The following TASP1 variants were observed in gnomAD, a reference collection of about 807,000 sequenced individuals.
TASP1 encodes the protein threonine aspartase 1.
In TASP1, 16 loss-of-function variants were observed where a neutral mutation model predicts 56.6. That is an observed-to-expected ratio of 0.28 (90% CI 0.19 to 0.43). TASP1 has a LOEUF of 0.43. TASP1 is among the 20% of genes least tolerant of loss of function. The pLI is 1.00. For synonymous variants in TASP1, 179 were observed against 184.2 expected (o/e 0.97, Z 0.23); for missense variants, 393 against 511.6 (o/e 0.77, Z 2.24).
Position 13,390,434 on chromosome 20 carries a change from G to A in TASP1, c.1189C>T (p.Pro397Ser). ...GKAKTHISRLPPGAVAGQSVA... is the reference protein window; with the variant it reads ...GKAKTHISRLSPGAVAGQSVA... ...GACTGTCCTGCCACCGCACCAGGAGGAAGTCTTGAAATGTGAGTCTGCAGA... is the reference window on the plus strand; with the variant it reads ...GACTGTCCTGCCACCGCACCAGGAGAAAGTCTTGAAATGTGAGTCTGCAGA... Residue 397 changes from proline to serine, a missense_variant, in exon 14 of 14, where the codon CCT becomes TCT. Coordinates refer to ENST00000337743, the MANE Select transcript of TASP1 (RefSeq NM_017714.3). 1.2e-6 allele frequency: 2 copies of A among 1,613,808 alleles called. No individual in the cohort carries two copies. Among genetic ancestry groups the A allele is most frequent in the South Asian group, 2.2e-5 (2 of 91,066 alleles).
intron 6 of TASP1, among the ~76,000 whole-genome samples, chr20:13,579,488 C>G (rs2047041112): frequency 6.6e-6 from 1 of 152,044 alleles, no homozygotes; most frequent in African/African-American, 2.4e-5. Flanking sequence ...CCTGCCTCAA[C>G]CTCTAGCTGG....
chr20:13,273,794 A>C, the TASP1 span, among the ~76,000 whole-genome samples: 1 of 152,182 alleles, frequency 6.6e-6, no homozygotes, highest in Non-Finnish European at 1.5e-5. Flanking sequence ...ATTTTTGCCT[A>C]CTGCCCAGTC....
chr20:13,301,398 AGGCTGGTCTTGAACTCCT>A, the TASP1 span, among the ~76,000 whole-genome samples: 1 of 152,210 alleles, frequency 6.6e-6, no homozygotes, highest in South Asian at 2.1e-4. Flanking sequence ...CATGTTGGCC[AGGCTGGTCTTGAACTCCT>A]GGCCTCAAGT....
At chr20:13,483,950 A>T (rs1378799911) in intron 10 of TASP1, among the ~76,000 whole-genome samples, 1 of 152,166 alleles carries the variant, frequency 6.6e-6, no homozygotes, top group African/African-American at 2.4e-5. Flanking sequence ...ATGAACTCAA[A>T]CAAATTTACA....
the TASP1 span, among the ~76,000 whole-genome samples, chr20:13,128,685 G>T: frequency 6.6e-6 from 1 of 151,698 alleles, no homozygotes; most frequent in African/African-American, 2.4e-5. Flanking sequence ...GTTCTTTTTT[G>T]TTTTTTGGGT....
At chr20:13,307,328 T>C in the TASP1 span, among the ~76,000 whole-genome samples, 1 of 152,166 alleles carries the variant, frequency 6.6e-6, no homozygotes. Context: ...CACACACGTA[T>C]CATAAGTTCA....
At chr20:13,332,071 A>G in the TASP1 span, among the ~76,000 whole-genome samples, 1 of 152,192 alleles carries the variant, frequency 6.6e-6, no homozygotes, top group African/African-American at 2.4e-5. Flanking sequence ...GGGCCATGGC[A>G]TGCATTTACT....
chr20:13,380,126 T>C, the TASP1 span, among the ~76,000 whole-genome samples: 2 of 152,040 alleles, frequency 1.3e-5, no homozygotes, highest in Admixed American at 6.6e-5. Flanking sequence ...TGGTAAGGAG[T>C]TGTGATCCTT....
At chr20:13,566,182 G>C (rs1328671630) in intron 7 of TASP1, among the ~76,000 whole-genome samples, 1 of 152,136 alleles carries the variant, frequency 6.6e-6, no homozygotes, top group East Asian at 1.9e-4. Flanking sequence ...GGCACATGGG[G>C]AGTTACTGCT....
At chr20:13,237,408 A>G in the TASP1 span, among the ~76,000 whole-genome samples, 1 of 152,250 alleles carries the variant, frequency 6.6e-6, no homozygotes, top group Non-Finnish European at 1.5e-5. Context: ...AATGACAACT[A>G]TATGCAACAT....
chr20:13,351,927 G>C, the TASP1 span, among the ~76,000 whole-genome samples: 11 of 152,118 alleles, frequency 7.2e-5, no homozygotes. Flanking sequence ...CTTGAAATCT[G>C]GCAAGCATGA....
chr20:13,186,563 T>A, the TASP1 span, among the ~76,000 whole-genome samples: 17 of 152,256 alleles, frequency 1.1e-4, no homozygotes, highest in East Asian at 3.3e-3. Flanking sequence ...AACACTGAGA[T>A]TTAATTGAAA....
At chr20:13,429,043 T>C (rs762391637) in intron 12 of TASP1, among the ~76,000 whole-genome samples, 3 of 152,234 alleles carry the variant, frequency 2.0e-5, no homozygotes, top group Non-Finnish European at 2.9e-5. Context: ...TGGAAAGATA[T>C]TTCAAACCTC....
At chr20:13,119,722 G>A in the TASP1 span, among the ~76,000 whole-genome samples, 1 of 152,184 alleles carries the variant, frequency 6.6e-6, no homozygotes. Context: ...GAATTAGAGC[G>A]TGTCTGGCAG....
At chr20:13,331,050 AG>A in the TASP1 span, among the ~76,000 whole-genome samples, 1 of 151,982 alleles carries the variant, frequency 6.6e-6, no homozygotes, top group Non-Finnish European at 1.5e-5. Context: ...GTCTGCTTTC[AG>A]TTTGTTTTGC....
At chr20:13,591,618 T>C (rs927974318) in intron 4 of TASP1, among the ~76,000 whole-genome samples, 7 of 152,160 alleles carry the variant, frequency 4.6e-5, no homozygotes, top group Non-Finnish European at 1.0e-4. Flanking sequence ...AGACACCACA[T>C]GTAAATCTGG....
intron 4 of TASP1, among the ~76,000 whole-genome samples, chr20:13,596,989 G>A (rs2047757937): frequency 6.6e-6 from 1 of 152,148 alleles, no homozygotes; most frequent in African/African-American, 2.4e-5. Context: ...CCTGGAAGAA[G>A]TTGAATCTCT....
the TASP1 span, among the ~76,000 whole-genome samples, chr20:13,228,567 T>A: frequency 0.019 from 2,911 of 152,278 alleles, 40 homozygotes; most frequent in Non-Finnish European, 0.022. Flanking sequence ...TTGATGCTTT[T>A]ATGATTTTTT....
chr20:13,393,577 A>G (rs1471859104), intron 13 of TASP1: 7 of 913,438 alleles, frequency 7.7e-6, no homozygotes, highest in Non-Finnish European at 1.3e-5. Flanking sequence ...AATGCCCTCA[A>G]CAACCACCTT....
Sources: gnomAD v4.1 joint callset for allele counts (sites outside exome capture counted in the v4.1 genomes callset) on GRCh38, gnomAD v4.1.1 for gene constraint, MANE v1.5 for transcripts, NCBI Gene and HGNC (gene_info 2026-07-23, HGNC 2026-07-21) for gene names.